The following NTM variants were observed in gnomAD, a reference collection of about 807,000 sequenced individuals.
The protein encoded by NTM is IgLON family member 2.
In NTM, 13 loss-of-function variants were observed where a neutral mutation model predicts 42.1. The observed-to-expected ratio is 0.31, with a 90% CI of 0.20 to 0.49. The LOEUF is 0.49. Among genes scored for constraint, NTM ranks in the 20% least tolerant of loss-of-function variants. The pLI, the probability that NTM is intolerant of heterozygous loss-of-function variation, is 0.99. For missense variants in NTM, 373 were observed against 452.8 expected, an observed-to-expected ratio of 0.82 and a Z score of 1.60; for synonymous variants, 187 against 179.2, an observed-to-expected ratio of 1.04 and a Z score of -0.35.
intron 4 of NTM, among the ~76,000 whole-genome samples, chr11:132,244,989 G>A (rs897519837): frequency 6.6e-6 from 1 of 152,236 alleles, no homozygotes; most frequent in Non-Finnish European, 1.5e-5. Flanking sequence ...GGTGTAATCT[G>A]CGGCTCTGAG....
chr11:132,009,047 C>G (rs1361497260), intron 2 of NTM, among the ~76,000 whole-genome samples: 3 of 152,156 alleles, frequency 2.0e-5, no homozygotes, highest in African/African-American at 7.2e-5. Context: ...GGGAATGTGT[C>G]CTGCACACAC....
intron 1 of NTM, among the ~76,000 whole-genome samples, chr11:131,498,561 C>T (rs894745125): frequency 6.6e-6 from 1 of 152,162 alleles, no homozygotes; most frequent in African/African-American, 2.4e-5. Flanking sequence ...CACACACATA[C>T]ACAGAGCAAG....
At chr11:132,060,201 C>T (rs2080419018) in intron 2 of NTM, among the ~76,000 whole-genome samples, 3 of 152,332 alleles carry the variant, frequency 2.0e-5, no homozygotes, top group Admixed American at 1.3e-4. Flanking sequence ...AGTTACAATA[C>T]ATCCACCCCC....
At position 132,273,492 on chromosome 11, in the gene NTM, G is replaced by A. The variant is rs561487270; in HGVS notation, c.527-34197G>A. ...TTTTAAAAATAATTTCTAGATAATA[G>A]GTATCAGTTCTTCAAATATTTTGTG... On this transcript the variant is annotated intron_variant, in intron 4 of 8. Transcript: ENST00000683400. 1.6e-4 allele frequency among the ~76,000 whole-genome samples: 25 copies of A among 151,898 alleles called. No homozygotes were observed. The East Asian group carries it at 4.4e-3, about 27-fold the overall frequency.
At chr11:131,892,732 AG>A (rs2051565070) in intron 1 of NTM, among the ~76,000 whole-genome samples, 1 of 152,244 alleles carries the variant, frequency 6.6e-6, no homozygotes, top group Admixed American at 6.5e-5. Context: ...GGACTGGGCA[AG>A]AGGGGTAGCC....
intron 1 of NTM, among the ~76,000 whole-genome samples, chr11:131,698,783 C>G (rs1224238036): frequency 1.3e-5 from 2 of 152,180 alleles, no homozygotes; most frequent in African/African-American, 4.8e-5. Context: ...TCATGAAATT[C>G]TACTGATTTC....
intron 1 of NTM, among the ~76,000 whole-genome samples, chr11:131,675,754 C>T (rs567059222): frequency 5.9e-5 from 9 of 152,322 alleles, no homozygotes; most frequent in Admixed American, 1.3e-4. Context: ...AGAAGACCCT[C>T]TGCCAGCATT....
At chr11:131,758,057 A>G (rs1019222942) in intron 1 of NTM, among the ~76,000 whole-genome samples, 1 of 152,254 alleles carries the variant, frequency 6.6e-6, no homozygotes, top group Non-Finnish European at 1.5e-5. Context: ...ACCGGACACT[A>G]CAGGGCTCCG....
intron 1 of NTM, among the ~76,000 whole-genome samples, chr11:131,820,933 A>T (rs116755580): frequency 0.019 from 2,933 of 152,258 alleles, 88 homozygotes; most frequent in African/African-American, 0.066. Flanking sequence ...CCTTGTGCAC[A>T]CACACAAGCC....
At chr11:131,748,763 A>G (rs970171098) in intron 1 of NTM, among the ~76,000 whole-genome samples, 3 of 152,238 alleles carry the variant, frequency 2.0e-5, no homozygotes, top group Non-Finnish European at 4.4e-5. Flanking sequence ...TCTGCAAAAC[A>G]GATGGGAGGG....
chr11:132,330,955 C>T (rs188030823), intron 8 of NTM, among the ~76,000 whole-genome samples: 23 of 152,342 alleles, frequency 1.5e-4, no homozygotes, highest in East Asian at 5.8e-4. Flanking sequence ...CTGTGGTCCA[C>T]GCCCACCTGG....
At chr11:132,333,182 C>T (rs2095833204) in intron 8 of NTM, among the ~76,000 whole-genome samples, 1 of 151,952 alleles carries the variant, frequency 6.6e-6, no homozygotes, top group Non-Finnish European at 1.5e-5. Flanking sequence ...AGTGTTGAGG[C>T]AAAACATTCG....
chr11:131,670,622 A>T (rs1462788428), intron 1 of NTM, among the ~76,000 whole-genome samples: 2 of 152,094 alleles, frequency 1.3e-5, no homozygotes, highest in African/African-American at 4.8e-5. Context: ...GGAAATGGAC[A>T]TGTGGTACTG....
chr11:132,025,142 A>G (rs1048464297), intron 2 of NTM, among the ~76,000 whole-genome samples: 11 of 152,174 alleles, frequency 7.2e-5, no homozygotes, highest in Non-Finnish European at 1.5e-4. Context: ...GTGGGGTAGC[A>G]GGAAAGATTG....
chr11:132,196,059 G>T (rs1022371574), intron 3 of NTM, among the ~76,000 whole-genome samples: 1 of 152,056 alleles, frequency 6.6e-6, no homozygotes, highest in Non-Finnish European at 1.5e-5. Flanking sequence ...TCCATCAAAG[G>T]TCTAATGTCC....
At chr11:132,072,025 T>G (rs950699645) in intron 2 of NTM, among the ~76,000 whole-genome samples, 16 of 152,136 alleles carry the variant, frequency 1.1e-4, no homozygotes, top group African/African-American at 3.9e-4. Context: ...TAGGAGATGC[T>G]TGTTGTACCA....
At chr11:131,500,577 A>ATATATT (rs2046659628) in intron 1 of NTM, among the ~76,000 whole-genome samples, 1 of 76,216 alleles carries the variant, frequency 1.3e-5, no homozygotes, top group Non-Finnish European at 2.2e-5. Flanking sequence ...ATATATATAT[A>ATATATT]TTTTTTTTTT....
Position 131,644,474 on chromosome 11 carries a change from G to A in NTM, c.83-267090G>A, listed in dbSNP as rs192586060. ...AGTCCAGTCTCATGGCCAGCAAACCGTACCAACGAAGGGGGACTCCTACTA... is the reference window on the plus strand; with the variant it reads ...AGTCCAGTCTCATGGCCAGCAAACCATACCAACGAAGGGGGACTCCTACTA... On this transcript the variant is annotated intron_variant, in intron 1 of 8. Transcript: ENST00000683400. 7.2e-5 allele frequency among the ~76,000 whole-genome samples: 11 copies of A among 152,234 alleles called. No individual in the cohort carries two copies. In the South Asian group the frequency reaches 8.3e-4, roughly 11 times the overall value.
intron 7 of NTM, among the ~76,000 whole-genome samples, chr11:132,318,435 A>G (rs941906304): frequency 6.6e-6 from 1 of 152,180 alleles, no homozygotes. Context: ...TCAGTGGAAC[A>G]TCATAGGGGG....
Sources: gnomAD v4.1 joint callset for allele counts (sites outside exome capture counted in the v4.1 genomes callset) on GRCh38, gnomAD v4.1.1 for gene constraint, MANE v1.5 for transcripts, NCBI Gene and HGNC (gene_info 2026-07-23, HGNC 2026-07-21) for gene names.